The following FAM193A variants were observed in gnomAD, a reference collection of about 807,000 sequenced individuals.
FAM193A encodes protein FAM193A.
A neutral mutation model predicts 126.5 loss-of-function variants in FAM193A; 22 were observed. The ratio of observed to expected loss-of-function variants is 0.17; its 90% CI spans 0.12 to 0.25. The LOEUF is 0.25. Ranked by LOEUF, FAM193A falls within the 10% of genes least tolerant of loss-of-function variation. The pLI, the probability that FAM193A is intolerant of heterozygous loss-of-function variation, is 1.00. For synonymous variants in FAM193A, 761 were observed against 646.8 expected, an observed-to-expected ratio of 1.18 and a Z score of -2.68; for missense variants, 1,675 against 1,672.8, an observed-to-expected ratio of 1.00 and a Z score of -0.02.
At chr4:2,579,491 C>T (rs942916674) in intron 1 of FAM193A, among the ~76,000 whole-genome samples, 1 of 151,982 alleles carries the variant, frequency 6.6e-6, no homozygotes, top group Non-Finnish European at 1.5e-5. Context: ...TAAACCCAGG[C>T]GTTGGAGACC....
chr4:2,646,675 T>G lies in FAM193A; in HGVS notation c.1164-10T>G. ...TTCTTTCCTTTGTTACAAGGCCTTC[T>G]CTCTCCTAGGCTAGGAACCACCACA... On this transcript the variant is annotated splice_polypyrimidine_tract_variant and intron_variant, in intron 6 of 20. Transcript: ENST00000637812. 3.8e-6 allele frequency: 6 copies of G among 1,589,400 alleles called. No individual in the cohort carries two copies. The highest frequency in any genetic ancestry group is 4.3e-6 in the Non-Finnish European group (5 of 1,169,548).
chr4:2,569,785 G>A (rs1189566537), intron 1 of FAM193A, among the ~76,000 whole-genome samples: 1 of 152,150 alleles, frequency 6.6e-6, no homozygotes, highest in East Asian at 1.9e-4. Flanking sequence ...AATTATGATT[G>A]TAATCCACTG....
chr4:2,660,759 A>G (rs866856565), intron 10 of FAM193A, among the ~76,000 whole-genome samples: 6 of 152,200 alleles, frequency 3.9e-5, no homozygotes, highest in African/African-American at 9.7e-5. Context: ...TCTCTGACCA[A>G]CTGACTTGTG....
At chr4:2,695,746 G>A (rs1716960602) in intron 17 of FAM193A, among the ~76,000 whole-genome samples, 2 of 152,136 alleles carry the variant, frequency 1.3e-5, no homozygotes, top group African/African-American at 2.4e-5. Flanking sequence ...CACATTTATT[G>A]ACATGAAAAG....
intron 1 of FAM193A, among the ~76,000 whole-genome samples, chr4:2,559,859 C>T (rs966191868): frequency 1.3e-5 from 2 of 152,158 alleles, no homozygotes; most frequent in African/African-American, 2.4e-5. Context: ...TTGGGTGCTG[C>T]GGTGATCCTG....
intron 13 of FAM193A, among the ~76,000 whole-genome samples, chr4:2,673,174 G>A (rs1369679271): frequency 1.3e-5 from 2 of 151,380 alleles, no homozygotes; most frequent in African/African-American, 2.4e-5. Flanking sequence ...TTTTTTCTTT[G>A]TACCAGTTAT....
rs1721470305 is a variant in FAM193A, at chr4:2,732,128, C to T, written c.*260C>T. On this transcript the variant is annotated 3_prime_UTR_variant, in exon 21 of 21. Coordinates refer to ENST00000637812, the MANE Select transcript of FAM193A (RefSeq NM_001366318.2). Reference sequence around the variant, plus strand: ...AGTAGTTCCCGCCAAGTCCTCCCACCACCGCGGCCTCGGAGGCCTGGGCCG... The same window carrying T: ...AGTAGTTCCCGCCAAGTCCTCCCACTACCGCGGCCTCGGAGGCCTGGGCCG... The T allele has an allele frequency of 1.2e-5, 6 of 508,464 alleles. No homozygotes were observed. Among genetic ancestry groups the T allele is most frequent in the Non-Finnish European group, 2.1e-5 (6 of 279,386 alleles). The allele number at this position is 508,464 out of a possible 1,614,324, so 31.5% of individuals were successfully genotyped here. A position where few individuals can be genotyped will look rare whatever the true frequency, so the allele number is the denominator to read the frequency against.
intron 8 of FAM193A, 129 bp from the exon 9 acceptor site, chr4:2,659,429 C>G (rs1345772632): frequency 7.3e-6 from 5 of 687,324 alleles, no homozygotes; most frequent in Non-Finnish European, 1.3e-5. Flanking sequence ...CCCCTGTATT[C>G]CTGGTCCTGT....
intron 1 of FAM193A, among the ~76,000 whole-genome samples, chr4:2,566,879 T>A (rs932502893): frequency 6.6e-6 from 1 of 152,096 alleles, no homozygotes; most frequent in African/African-American, 2.4e-5. Flanking sequence ...ACCTTCTGAT[T>A]ACTATGTAAG....
intron 19 of FAM193A, among the ~76,000 whole-genome samples, chr4:2,710,925 C>T (rs1384861163): frequency 1.4e-5 from 2 of 146,400 alleles, no homozygotes; most frequent in Admixed American, 6.9e-5. Flanking sequence ...GATCTTGGCT[C>T]ACTGCAAACT....
intron 13 of FAM193A, among the ~76,000 whole-genome samples, chr4:2,686,114 A>G (rs947995740): frequency 2.0e-5 from 3 of 152,242 alleles, no homozygotes; most frequent in Non-Finnish European, 4.4e-5. Context: ...AAAGAAATCC[A>G]TAAGCTATTG....
intron 3 of FAM193A, 70 bp downstream of exon 3, chr4:2,625,465 G>C (rs1392685672): frequency 9.6e-6 from 6 of 622,816 alleles, no homozygotes; most frequent in Non-Finnish European, 1.8e-5. Flanking sequence ...ATTGGAGCTG[G>C]ACGGAGAAAC....
chr4:2,638,256 G>A (rs536623630), intron 5 of FAM193A, among the ~76,000 whole-genome samples: 1 of 152,330 alleles, frequency 6.6e-6, no homozygotes, highest in Non-Finnish European at 1.5e-5. Flanking sequence ...GGAACTCCTG[G>A]AGAGCAGCGG....
At chr4:2,555,870 C>G (rs1280908056) in intron 1 of FAM193A, among the ~76,000 whole-genome samples, 1 of 151,838 alleles carries the variant, frequency 6.6e-6, no homozygotes, top group Non-Finnish European at 1.5e-5. Flanking sequence ...CCTGCCTCGG[C>G]CTCCCAAAGT....
rs765452273 is a variant in FAM193A, at chr4:2,659,976, G to A, written c.1667G>A (p.Gly556Glu). 12 of 1,614,038 alleles carry A rather than the reference G, an allele frequency of 7.4e-6. No individual in the cohort carries two copies. In the East Asian group the frequency reaches 8.9e-5, roughly 12 times the overall value. Residue 556 changes from glycine (G) to glutamate (E), a missense_variant, in exon 10 of 21, where the codon GGG (glycine) becomes GAG (glutamate). Gly to Glu is a moderately conservative substitution (Grantham distance 98, BLOSUM62 -2). Coordinates refer to ENST00000637812, the MANE Select transcript of FAM193A (RefSeq NM_001366318.2). ...SPPSVSSASS[G>E]SGSSSPITIQ... Reference sequence around the variant, plus strand: ...CCCAGTGTGTCATCTGCAAGCTCGGGGTCCGGCTCCAGCTCTCCCATCACA... The same window carrying A: ...CCCAGTGTGTCATCTGCAAGCTCGGAGTCCGGCTCCAGCTCTCCCATCACA...
chr4:2,658,008 C>T (rs1379720772), intron 8 of FAM193A, 128 bp downstream of exon 8: 10 of 680,832 alleles, frequency 1.5e-5, no homozygotes, highest in African/African-American at 5.4e-5. Flanking sequence ...GTTTTGCCAG[C>T]GTTAAAAACT....
At chr4:2,713,144 C>T (rs1447585654) in intron 19 of FAM193A, among the ~76,000 whole-genome samples, 12 of 147,876 alleles carry the variant, frequency 8.1e-5, no homozygotes, top group Non-Finnish European at 1.2e-4. Flanking sequence ...CTGTGGCTCA[C>T]GCCTGTAATC....
chr4:2,555,020 A>G (rs1738170137), intron 1 of FAM193A, among the ~76,000 whole-genome samples: 1 of 152,134 alleles, frequency 6.6e-6, no homozygotes, highest in Non-Finnish European at 1.5e-5. Context: ...GTGCTTATTC[A>G]TATTTTCATT....
chr4:2,683,523 A>G (rs1389225080), intron 13 of FAM193A, among the ~76,000 whole-genome samples: 1 of 152,100 alleles, frequency 6.6e-6, no homozygotes, highest in African/African-American at 2.4e-5. Context: ...TGAACCCCTG[A>G]CCTCAGGTGA....
Sources: gnomAD v4.1 joint callset for allele counts (sites outside exome capture counted in the v4.1 genomes callset) on GRCh38, gnomAD v4.1.1 for gene constraint, MANE v1.5 for transcripts, NCBI Gene and HGNC (gene_info 2026-07-23, HGNC 2026-07-21) for gene names.